The following CMTM6 variants were observed in gnomAD, a reference collection of about 807,000 sequenced individuals.
CMTM6 encodes the protein CKLF like MARVEL transmembrane domain containing 6.
CMTM6 carries 5 observed loss-of-function variants against 13.6 expected under a neutral mutation model. The ratio of observed to expected loss-of-function variants is 0.37; its 90% CI spans 0.19 to 0.77. The LOEUF is 0.77. Ranked by LOEUF, CMTM6 falls within the 30% of genes least tolerant of loss-of-function variation. CMTM6 has a pLI of 0.50. For synonymous variants in CMTM6, 99 were observed against 84.5 expected, an observed-to-expected ratio of 1.17 and a Z score of -0.94; for missense variants, 196 against 218.6, an observed-to-expected ratio of 0.90 and a Z score of 0.65.
chr3:32,485,889 G>A (rs1458168806), intron 3 of CMTM6, among the ~76,000 whole-genome samples: 1 of 152,078 alleles, frequency 6.6e-6, no homozygotes, highest in Non-Finnish European at 1.5e-5. Flanking sequence ...TTTTGTTTTT[G>A]GTTTTTGAGA....
chr3:32,489,659 GAAAA>G (rs57136978), intron 2 of CMTM6, among the ~76,000 whole-genome samples: 1 of 118,128 alleles, frequency 8.5e-6, no homozygotes, highest in Non-Finnish European at 1.9e-5. Context: ...TCTCAAAAAA[GAAAA>G]AAAAAAAAAG....
chr3:32,502,259 T>A lies in CMTM6; in HGVS notation c.138+349A>T, dbSNP rs75476766. Reference sequence around the variant, plus strand: ...GTCTAAATACAGGCACTGTGGGCGATAATGCAGGGTAGCAGCAGAGAGAAG... The same window carrying A: ...GTCTAAATACAGGCACTGTGGGCGAAAATGCAGGGTAGCAGCAGAGAGAAG... On this transcript the variant is annotated intron_variant, in intron 1 of 3. Transcript: ENST00000205636. 7.1e-3 allele frequency among the ~76,000 whole-genome samples: 1,080 copies of A among 152,288 alleles called. 7 individuals carry two copies. Among genetic ancestry groups the A allele is most frequent in the African/African-American group, 0.024 (1,004 of 41,570 alleles).
Position 32,502,591 on chromosome 3 carries a change from C to A in CMTM6, c.138+17G>T. 1 of 1,587,420 alleles carries A rather than the reference C, an allele frequency of 6.3e-7. No individual in the cohort carries two copies. ...CGCTCCCCAGCCCGGGCTCGCCCTC[C>A]CTGACCGCGGACTCACCAGCTGCAA... On this transcript the variant is annotated intron_variant, in intron 1 of 3. Transcript: ENST00000205636.
rs550026519 is a variant in CMTM6 at position 32,483,280 on chromosome 3, C to T, written c.*680G>A. 2 of 152,696 alleles carry T rather than the reference C, an allele frequency of 1.3e-5. No homozygotes were observed. Among genetic ancestry groups the T allele is most frequent in the South Asian group, 4.1e-4 (2 of 4,826 alleles). The allele number at this position is 152,696 out of a possible 1,614,324, so 9.5% of individuals were successfully genotyped here. ...ATCAACAACCAAGGTGCAGTATAAA[C>T]ACGAAGTTGCTGATATTGTTGCTTT... is the stretch of plus-strand genomic sequence containing the variant. On this transcript the variant is annotated 3_prime_UTR_variant, in exon 4 of 4. Transcript: ENST00000205636.
chr3:32,492,633 A>G (rs1697258756), intron 1 of CMTM6, among the ~76,000 whole-genome samples: 1 of 152,188 alleles, frequency 6.6e-6, no homozygotes, highest in Non-Finnish European at 1.5e-5. Context: ...CAGGGCAAAT[A>G]ATAGCGACTA....
rs1272229236 is a variant in CMTM6, at chr3:32,502,499, C to T, written c.138+109G>A. 4 of 1,397,774 alleles carry T rather than the reference C, an allele frequency of 2.9e-6. No homozygotes were observed. The East Asian group carries it at 1.1e-4, about 37-fold the overall frequency. 86.6% of individuals were successfully genotyped at this position (1,397,774 alleles called of 1,614,324 possible). On this transcript the variant is annotated intron_variant, in intron 1 of 3. Coordinates refer to ENST00000205636, the MANE Select transcript of CMTM6 (RefSeq NM_017801.3). The stretch of plus-strand genomic sequence containing the variant: ...GGGAAGGAACTAGAGGTGTGGAAAC[C>T]TCCTTTTACTGAACAACCAAGCTGA...
chr3:32,486,607 G>A (rs1315611012), intron 3 of CMTM6, among the ~76,000 whole-genome samples: 1 of 152,108 alleles, frequency 6.6e-6, no homozygotes, highest in Non-Finnish European at 1.5e-5. Flanking sequence ...GAATTTCAGA[G>A]AAAAATTGGA....
chr3:32,486,252 C>T (rs1697203736), intron 3 of CMTM6, among the ~76,000 whole-genome samples: 1 of 152,122 alleles, frequency 6.6e-6, no homozygotes, highest in African/African-American at 2.4e-5. Flanking sequence ...ATTTGTTGTC[C>T]AGTTGCTAGT....
intron 3 of CMTM6, chr3:32,487,698 AAC>A (rs1157327870): frequency 1.5e-5 from 5 of 340,472 alleles, no homozygotes; most frequent in African/African-American, 8.4e-5. Context: ...CATTAGCAAT[AAC>A]ACACGGTATG....
intron 1 of CMTM6, among the ~76,000 whole-genome samples, chr3:32,499,418 C>G (rs138904407): frequency 7.2e-5 from 11 of 152,252 alleles, no homozygotes; most frequent in African/African-American, 2.6e-4. Flanking sequence ...GTGCAGCTAT[C>G]AGGATAGTCA....
intron 3 of CMTM6, among the ~76,000 whole-genome samples, chr3:32,485,024 T>C (rs75930381): frequency 1.3e-5 from 2 of 150,756 alleles, no homozygotes; most frequent in East Asian, 2.0e-4. Flanking sequence ...TATCAACGCC[T>C]CCCACCCTCC....
intron 1 of CMTM6, 114 bp downstream of exon 1, chr3:32,502,494 G>T: frequency 1.5e-6 from 2 of 1,364,118 alleles, no homozygotes; most frequent in Non-Finnish European, 2.0e-6. Flanking sequence ...TAGAGGTGTG[G>T]AAACCTCCTT....
Position 32,488,190 on chromosome 3 carries a change from G to C in CMTM6, c.316-154C>G, listed in dbSNP as rs115008955. The C allele has an allele frequency of 5.8e-4, 339 of 580,820 alleles. 1 individual carries two copies. In the African/African-American group the frequency reaches 6.0e-3, roughly 10 times the overall value. The allele number at this position is 580,820 out of a possible 1,614,324, so 36.0% of individuals were successfully genotyped here. A position where few individuals can be genotyped will look rare whatever the true frequency, so the allele number is the denominator to read the frequency against. The stretch of plus-strand genomic sequence containing the variant: ...ACCCAAACTTCTAACTTTTCAATAA[G>C]CCTGGCATTCAATAAATACCCTGTA... On this transcript the variant is annotated intron_variant, in intron 2 of 3. Coordinates refer to ENST00000205636, the MANE Select transcript of CMTM6 (RefSeq NM_017801.3).
rs1354284285 is a variant in CMTM6, at chr3:32,483,984, G to A, written c.528C>T (p.Ala176=). Residue 176 remains alanine, a synonymous_variant, in exon 4 of 4, where the codon GCC becomes GCT. Coordinates refer to ENST00000205636, the MANE Select transcript of CMTM6 (RefSeq NM_017801.3). ...TTTAGGCATTAAGTGGCTCAGTGAG[G>A]GCTTCAGCCCTAGTGGTATTTTCAG... ...RKPENTTRAE[A]LTEPLNA is the part of the protein sequence containing the mutation. The A allele has an allele frequency of 6.2e-7, 1 of 1,608,168 alleles. No individual in the cohort carries two copies. Among genetic ancestry groups the A allele is most frequent in the Non-Finnish European group, 8.5e-7 (1 of 1,178,050 alleles).
At chr3:32,489,873 A>G (rs913121650) in intron 2 of CMTM6, among the ~76,000 whole-genome samples, 14 of 152,210 alleles carry the variant, frequency 9.2e-5, no homozygotes, top group African/African-American at 3.4e-4. Context: ...AGTCTACCTG[A>G]GTTCAAATCT....
At chr3:32,502,279 G>A (rs955106744) in intron 1 of CMTM6, among the ~76,000 whole-genome samples, 1 of 152,238 alleles carries the variant, frequency 6.6e-6, no homozygotes, top group African/African-American at 2.4e-5. Context: ...TAGCAGCAGA[G>A]AGAAGAGAGG....
intron 2 of CMTM6, among the ~76,000 whole-genome samples, chr3:32,490,340 T>C (rs1697240743): frequency 6.6e-6 from 1 of 151,712 alleles, no homozygotes; most frequent in African/African-American, 2.4e-5. Context: ...CATGAAAAAA[T>C]ATTTAAAACC....
Position 32,491,878 on chromosome 3 carries a change from A to T in CMTM6, c.147T>A (p.Ser49=). 2.5e-6 allele frequency: 4 copies of T among 1,604,344 alleles called. No homozygotes were observed. The highest frequency in any genetic ancestry group is 3.4e-6 in the Non-Finnish European group (4 of 1,176,960). ...RVLKGLQLLL[S]LLAFICEEVV... ...CTTCTTCACAGATGAAGGCCAGCAG[A>T]GACAGCAACTACAAATGAAGCAAAA... The change falls in exon 2 of 4, where the codon TCT becomes TCA. Residue 49 remains serine (S), a synonymous_variant. Coordinates refer to ENST00000205636, the MANE Select transcript of CMTM6 (RefSeq NM_017801.3).
At chr3:32,490,842 C>T (rs1178370965) in intron 2 of CMTM6, among the ~76,000 whole-genome samples, 1 of 151,912 alleles carries the variant, frequency 6.6e-6, no homozygotes, top group African/African-American at 2.4e-5. Flanking sequence ...TTTTTCCAGC[C>T]AGAATTTGGA....
Sources: allele counts gnomAD v4.1 joint callset (sites outside exome capture counted in the v4.1 genomes callset), GRCh38; gene constraint gnomAD v4.1.1; transcripts MANE v1.5; gene names NCBI Gene and HGNC (gene_info 2026-07-23, HGNC 2026-07-21).